PCGF3: variants seen among roughly 807,000 people sequenced by gnomAD.
The protein encoded by PCGF3 is polycomb group RING finger protein 3.
A neutral mutation model predicts 33.1 loss-of-function variants in PCGF3; 7 were observed. The ratio of observed to expected loss-of-function variants is 0.21; its 90% CI spans 0.12 to 0.40. PCGF3 has a LOEUF of 0.40. Ranked by LOEUF, PCGF3 falls within the 10% of genes least tolerant of loss-of-function variation. The pLI, the probability that PCGF3 is intolerant of heterozygous loss-of-function variation, is 1.00. For synonymous variants in PCGF3, 153 were observed against 121.3 expected (o/e 1.26, Z -1.72); for missense variants, 211 against 313.3 (o/e 0.67, Z 2.46).
At chr4:714,354 T>C (rs73221108) in intron 1 of PCGF3, among the ~76,000 whole-genome samples, 2,913 of 152,216 alleles carry the variant, frequency 0.019, 53 homozygotes, top group Non-Finnish European at 0.031. Flanking sequence ...TCTCCTTCTC[T>C]CAGTACATCC....
chr4:713,198 T>C (rs1301129737), intron 1 of PCGF3, among the ~76,000 whole-genome samples: 25 of 131,674 alleles, frequency 1.9e-4, no homozygotes, highest in African/African-American at 7.6e-4. Context: ...GTGGGTCCTG[T>C]GTGGCCTGGT....
At chr4:766,229 C>G in exon 11 of PCGF3, 5 of 626,578 alleles carry the variant, frequency 8.0e-6, no homozygotes, top group South Asian at 7.6e-5. Flanking sequence ...AATTCACACT[C>G]AACAAGACAC....
chr4:769,138 T>C (rs1442443683), exon 11 of PCGF3: 1 of 152,728 alleles, frequency 6.5e-6, no homozygotes, highest in Non-Finnish European at 1.5e-5. Flanking sequence ...CCTGGTGCCT[T>C]GGACCCCACG....
chr4:755,366 C>T (rs1437757343), intron 8 of PCGF3, among the ~76,000 whole-genome samples: 1 of 152,124 alleles, frequency 6.6e-6, no homozygotes, highest in African/African-American at 2.4e-5. Context: ...CTGGGCTCCT[C>T]TGCGTGTGAG....
chr4:734,629 C>G, intron 4 of PCGF3: 1 of 1,241,402 alleles, frequency 8.1e-7, no homozygotes, highest in Non-Finnish European at 1.0e-6. Flanking sequence ...AGCCCATGTT[C>G]TGATGACCCA....
At chr4:735,105 C>T (rs1743771654) in intron 5 of PCGF3, 78 bp downstream of exon 5, 3 of 1,471,688 alleles carry the variant, frequency 2.0e-6, no homozygotes, top group Non-Finnish European at 2.8e-6. Flanking sequence ...CTTCCCAGGC[C>T]ATTAGCGCTG....
chr4:725,676 TGC>T (rs1318128290), intron 1 of PCGF3, among the ~76,000 whole-genome samples: 9 of 151,998 alleles, frequency 5.9e-5, no homozygotes, highest in African/African-American at 2.2e-4. Context: ...CTGTGGGCTC[TGC>T]GCTGTGGCTG....
At position 721,434 on chromosome 4, in the gene PCGF3, G is replaced by T. The variant is rs1237735451; in HGVS notation, c.-189-9196G>T. ...GCAGAGCTCCCCAGAGGAAGGCTGG[G>T]CTGGGCAGTCAGCCAGACGGGAAAG... On this transcript the variant is annotated intron_variant, in intron 1 of 10. Coordinates refer to ENST00000362003, the Ensembl canonical transcript of PCGF3. The surrounding 1 kb of genome is among the most constrained non-coding windows in gnomAD (Gnocchi z 4.1). Among the ~76,000 whole-genome samples the T allele has an allele frequency of 6.6e-6, 1 of 152,200 alleles. No homozygotes were observed. The highest frequency in any genetic ancestry group is 1.5e-5 in the Non-Finnish European group (1 of 68,038).
chr4:752,568 T>G (rs530283598), intron 8 of PCGF3, among the ~76,000 whole-genome samples: 4 of 152,166 alleles, frequency 2.6e-5, no homozygotes, highest in African/African-American at 7.2e-5. Context: ...AGGGTGGGGT[T>G]TGTGGATAAG....
In PCGF3 at chr4:714,158, C is replaced by G. The variant is rs541114639; in HGVS notation, c.-190+8188C>G. 3.9e-5 allele frequency among the ~76,000 whole-genome samples: 6 copies of G among 152,264 alleles called. No individual in the cohort carries two copies. In the South Asian group the frequency reaches 1.0e-3, roughly 26 times the overall value. On this transcript the variant is annotated intron_variant, in intron 1 of 10. Coordinates refer to ENST00000362003, the Ensembl canonical transcript of PCGF3. ...AAGGCACTGCCTGTGAGGACTCTGA[C>G]CCCACCAGCCCCCAAATCTGCGAGC...
Position 747,710 on chromosome 4 carries a change from G to T in PCGF3, c.462+3022G>T, listed in dbSNP as rs866982175. Among the ~76,000 whole-genome samples the T allele has an allele frequency of 2.6e-5, 4 of 152,154 alleles. No individual in the cohort carries two copies. In the South Asian group the frequency reaches 8.3e-4, roughly 32 times the overall value. ...CTCGCCGTGGAGGCGTGAGCAGGTG[G>T]GCGGGGCCCCGGGCCTCCGGGACAC... On this transcript the variant is annotated intron_variant, in intron 8 of 10. Coordinates refer to ENST00000362003, the Ensembl canonical transcript of PCGF3.
Position 721,943 on chromosome 4 carries a change from G to A in PCGF3, c.-189-8687G>A, listed in dbSNP as rs1358577494. The stretch of plus-strand genomic sequence containing the variant: ...GGTGGGTGGACATGTGTCGCTGCAT[G>A]TGGGTGTGGGGAGAGGCCTGTGGGA... On this transcript the variant is annotated intron_variant, in intron 1 of 10. Transcript: ENST00000362003. This position sits in a 1 kb window ranked among gnomAD's most constrained non-coding sequence, Gnocchi z 4.1. Among the ~76,000 whole-genome samples, 1 of 150,854 alleles carries A rather than the reference G, an allele frequency of 6.6e-6. No homozygotes were observed. The highest frequency in any genetic ancestry group is 1.5e-5 in the Non-Finnish European group (1 of 67,672).
chr4:736,811 C>A (rs1206358343), intron 5 of PCGF3, among the ~76,000 whole-genome samples: 1 of 134,906 alleles, frequency 7.4e-6, no homozygotes, highest in South Asian at 2.6e-4. Context: ...GGGGTGTCTG[C>A]AGGGACAGTG....
intron 5 of PCGF3, 149 bp downstream of exon 5, chr4:735,176 C>T (rs577030614): frequency 1.8e-5 from 15 of 851,412 alleles, no homozygotes; most frequent in East Asian, 5.5e-5. Context: ...GAGCTGCACA[C>T]GAAGAACCTG....
At chr4:761,847 T>G in intron 9 of PCGF3, 1 of 985,390 alleles carries the variant, frequency 1.0e-6, no homozygotes, top group Non-Finnish European at 1.2e-6. Flanking sequence ...CATGCCAGTG[T>G]GGGTCCCTGT....
exon 11 of PCGF3, chr4:766,088 A>G: frequency 1.9e-6 from 3 of 1,613,338 alleles, no homozygotes; most frequent in South Asian, 1.1e-5. Context: ...GAATGGTGCC[A>G]CACAGCGCCC....
chr4:755,126 G>A lies in PCGF3; in HGVS notation c.463-6153G>A, dbSNP rs553689926. ...GTGACTGCTGTGTGCACACAGGCCC[G>A]CGTGGTGTCGCAGAGCACACGGCGT... On this transcript the variant is annotated intron_variant, in intron 8 of 10. Transcript: ENST00000362003. Among the ~76,000 whole-genome samples the A allele has an allele frequency of 8.1e-4, 123 of 152,346 alleles. No individual in the cohort carries two copies. The South Asian group carries it at 0.014, about 18-fold the overall frequency.
At chr4:734,200 T>C in intron 4 of PCGF3, 1 of 1,532,354 alleles carries the variant, frequency 6.5e-7, no homozygotes, top group Non-Finnish European at 8.8e-7. Context: ...GCTTTGGTGT[T>C]AGAGGACTCA....
chr4:731,451 T>A, intron 3 of PCGF3: 1 of 326,336 alleles, frequency 3.1e-6, no homozygotes, highest in Non-Finnish European at 5.6e-6. Context: ...GCTAGCATCC[T>A]GCAGGGAGGT....
Sources: gnomAD v4.1 joint callset for allele counts (sites outside exome capture counted in the v4.1 genomes callset) on GRCh38, gnomAD v4.1.1 for gene constraint, Gnocchi (gnomAD v3.1) non-coding constraint, MANE v1.5 for transcripts, NCBI Gene and HGNC (gene_info 2026-07-23, HGNC 2026-07-21) for gene names.